DCBLD2: variants seen among roughly 807,000 people sequenced by gnomAD.
The protein encoded by DCBLD2 is discoidin, CUB and LCCL domain-containing protein 2.
DCBLD2 carries 54 observed loss-of-function variants against 86.8 expected under a neutral mutation model. That is an observed-to-expected ratio of 0.62 (90% CI 0.50 to 0.78). DCBLD2 has a LOEUF of 0.78. Ranked by LOEUF, DCBLD2 falls within the 30% of genes least tolerant of loss-of-function variation. The pLI is 0.00. For missense variants in DCBLD2, 908 were observed against 954.2 expected, an observed-to-expected ratio of 0.95 and a Z score of 0.64; for synonymous variants, 354 against 341.3, an observed-to-expected ratio of 1.04 and a Z score of -0.41.
intron 2 of DCBLD2, among the ~76,000 whole-genome samples, chr3:98,851,306 CAGAG>C (rs929481504): frequency 2.6e-5 from 4 of 151,124 alleles, no homozygotes; most frequent in Non-Finnish European, 4.4e-5. Flanking sequence ...CAATAACAGA[CAGAG>C]AGCCAAATCA....
chr3:98,868,338 A>C (rs1242308053), intron 2 of DCBLD2, among the ~76,000 whole-genome samples: 1 of 152,196 alleles, frequency 6.6e-6, no homozygotes, highest in Non-Finnish European at 1.5e-5. Flanking sequence ...TAGAAAAGTT[A>C]GAGATGGGGT....
chr3:98,856,122 A>G (rs1053365317), intron 2 of DCBLD2, among the ~76,000 whole-genome samples: 1 of 152,210 alleles, frequency 6.6e-6, no homozygotes, highest in African/African-American at 2.4e-5. Flanking sequence ...CTGAAAAAAT[A>G]TACTCTTCAC....
chr3:98,843,610 CA>C (rs953575313), intron 3 of DCBLD2, among the ~76,000 whole-genome samples: 1 of 151,978 alleles, frequency 6.6e-6, no homozygotes, highest in Non-Finnish European at 1.5e-5. Context: ...GAAAAAATGG[CA>C]AATATTTGCA....
intron 1 of DCBLD2, among the ~76,000 whole-genome samples, chr3:98,885,249 A>G (rs551630269): frequency 1.3e-5 from 2 of 152,262 alleles, no homozygotes; most frequent in East Asian, 3.9e-4. Context: ...ACTAAAGTTA[A>G]CAACAGGTCT....
intron 1 of DCBLD2, among the ~76,000 whole-genome samples, chr3:98,893,564 C>G (rs567889355): frequency 7.3e-4 from 111 of 152,180 alleles, no homozygotes; most frequent in African/African-American, 2.3e-3. Context: ...TAACAAATAT[C>G]TGCTGTGTGC....
chr3:98,847,346 C>T (rs997536511), intron 3 of DCBLD2, among the ~76,000 whole-genome samples: 1 of 152,224 alleles, frequency 6.6e-6, no homozygotes, highest in African/African-American at 2.4e-5. Context: ...GAGTCCTTTC[C>T]ATAACATCAC....
At chr3:98,839,123 C>CTT (rs1298827061) in intron 3 of DCBLD2, among the ~76,000 whole-genome samples, 2,690 of 34,076 alleles carry the variant, frequency 0.079, 44 homozygotes, top group East Asian at 0.14. Flanking sequence ...CTTTCTTTTT[C>CTT]TTTCTTTCCT....
intron 2 of DCBLD2, among the ~76,000 whole-genome samples, chr3:98,872,738 A>G (rs953804152): frequency 2.6e-5 from 4 of 152,192 alleles, no homozygotes; most frequent in Non-Finnish European, 4.4e-5. Context: ...AGCACCTAGA[A>G]CAAAACTATA....
rs1553734187 is a variant in DCBLD2, at chr3:98,886,807, C to CA, written c.206-5041_206-5040insT. Among the ~76,000 whole-genome samples the CA allele has an allele frequency of 1.2e-3, 168 of 138,784 alleles. 1 individual carries two copies. The East Asian group carries it at 0.017, about 14-fold the overall frequency. 91.0% of individuals were successfully genotyped at this position (138,784 alleles called of 152,430 possible). A position where few individuals can be genotyped will look rare whatever the true frequency, so the allele number is the denominator to read the frequency against. On this transcript the variant is annotated intron_variant, in intron 1 of 15. Coordinates refer to ENST00000326840, the MANE Select transcript of DCBLD2 (RefSeq NM_080927.4). Reference sequence around the variant, plus strand: ...TGATATTATTACAGGAAAACCCCCCCCCTTTTTTTTTTTTTTTTACTACTT... The same window carrying CA: ...TGATATTATTACAGGAAAACCCCCCCACCTTTTTTTTTTTTTTTTACTACTT...
rs190426923 is a variant in DCBLD2 at position 98,876,777 on chromosome 3, A to G, written c.433+4763T>C. Among the ~76,000 whole-genome samples the G allele has an allele frequency of 3.1e-3, 471 of 152,362 alleles. 2 individuals are homozygous for G. The highest frequency in any genetic ancestry group is 0.014 in the Middle Eastern group (4 of 294). On this transcript the variant is annotated intron_variant, in intron 2 of 15. Transcript: ENST00000326840. ...AGCAACCAATACAACCATTCATAAA[A>G]GAGTGATTAAATAAACTATGATACA... is the stretch of plus-strand genomic sequence containing the variant.
rs192592445 is a variant in DCBLD2, at chr3:98,809,284, T to C, written c.1577-1110A>G. On this transcript the variant is annotated intron_variant, in intron 12 of 15. Transcript: ENST00000326840. ...AGATGATAATAGCAGCACCTGCTGA[T>C]ATTTACTGGGGGCTCAGAGCCGGAC... is the stretch of plus-strand genomic sequence containing the variant. Among the ~76,000 whole-genome samples, 3 of 152,314 alleles carry C rather than the reference T, an allele frequency of 2.0e-5. No homozygotes were observed. In the East Asian group the frequency reaches 5.8e-4, roughly 29 times the overall value.
chr3:98,868,608 AC>A (rs1943203245), intron 2 of DCBLD2, among the ~76,000 whole-genome samples: 1 of 151,382 alleles, frequency 6.6e-6, no homozygotes, highest in Admixed American at 6.6e-5. Context: ...ATCCCTTACC[AC>A]CCTCCCCCTT....
rs1266425467 is a variant in DCBLD2 at position 98,866,179 on chromosome 3, T to C, written c.433+15361A>G. Among the ~76,000 whole-genome samples, 4 of 152,194 alleles carry C rather than the reference T, an allele frequency of 2.6e-5. No individual in the cohort carries two copies. In the East Asian group the frequency reaches 7.7e-4, roughly 29 times the overall value. The stretch of plus-strand genomic sequence containing the variant: ...GTGCCGCAATAAACAGACGTGTGCA[T>C]GTGTCTTTATAGCAGCATGATTTAT... On this transcript the variant is annotated intron_variant, in intron 2 of 15. Coordinates refer to ENST00000326840, the MANE Select transcript of DCBLD2 (RefSeq NM_080927.4).
At chr3:98,900,867 C>T (rs898001628) in intron 1 of DCBLD2, 12 of 582,408 alleles carry the variant, frequency 2.1e-5, no homozygotes, top group Non-Finnish European at 2.9e-5. Flanking sequence ...ATCAACGAGG[C>T]TTTCATAGCA....
At chr3:98,849,853 G>A (rs1345078698) in intron 2 of DCBLD2, among the ~76,000 whole-genome samples, 1 of 151,134 alleles carries the variant, frequency 6.6e-6, no homozygotes, top group Non-Finnish European at 1.5e-5. Context: ...TCCTGTGAAA[G>A]ACATGTATAC....
At chr3:98,879,254 C>T (rs1464341183) in intron 2 of DCBLD2, among the ~76,000 whole-genome samples, 2 of 152,184 alleles carry the variant, frequency 1.3e-5, no homozygotes, top group African/African-American at 4.8e-5. Context: ...AATACTTAAA[C>T]ATAAATCCTA....
chr3:98,831,283 C>T (rs1054668912), intron 3 of DCBLD2, among the ~76,000 whole-genome samples: 1 of 151,796 alleles, frequency 6.6e-6, no homozygotes, highest in Admixed American at 6.6e-5. Flanking sequence ...AACTCCTGAC[C>T]TCAAGTGATC....
chr3:98,874,222 C>T (rs1943328954), intron 2 of DCBLD2, among the ~76,000 whole-genome samples: 1 of 152,140 alleles, frequency 6.6e-6, no homozygotes, highest in Admixed American at 6.5e-5. Flanking sequence ...AGGAAAACTT[C>T]ATATTTCTTT....
At chr3:98,804,266 T>G (rs1330934017) in intron 13 of DCBLD2, among the ~76,000 whole-genome samples, 1 of 152,204 alleles carries the variant, frequency 6.6e-6, no homozygotes, top group Admixed American at 6.5e-5. Context: ...CTTCCTGGTT[T>G]AGTCTTGGGA....
Sources: allele counts gnomAD v4.1 joint callset (sites outside exome capture counted in the v4.1 genomes callset), GRCh38; gene constraint gnomAD v4.1.1; transcripts MANE v1.5; gene names NCBI Gene and HGNC (gene_info 2026-07-23, HGNC 2026-07-21).